The following SAMD3 variants were observed in gnomAD, a reference collection of about 807,000 sequenced individuals.
SAMD3 encodes the protein sterile alpha motif domain-containing protein 3.
In SAMD3, 63 loss-of-function variants were observed where a neutral mutation model predicts 58.5. The observed-to-expected ratio is 1.08, with a 90% CI of 0.88 to 1.33. The LOEUF is 1.33. Among genes scored for constraint, SAMD3 ranks in the 40% most tolerant of loss-of-function variants. The probability of loss-of-function intolerance (pLI) is 0.00; values close to 1 mark genes in which losing one functional copy is unlikely to be tolerated. For synonymous variants in SAMD3, 220 were observed against 210.3 expected (o/e 1.05, Z -0.40); for missense variants, 604 against 608.4 (o/e 0.99, Z 0.08).
intron 2 of SAMD3, among the ~76,000 whole-genome samples, chr6:130,304,764 A>C (rs1775859177): frequency 6.6e-6 from 1 of 152,132 alleles, no homozygotes; most frequent in South Asian, 2.1e-4. Context: ...GATATTTAAA[A>C]AACTATATTG....
intron 1 of SAMD3, among the ~76,000 whole-genome samples, chr6:130,337,919 G>A (rs967490723): frequency 6.7e-4 from 102 of 152,348 alleles, no homozygotes; most frequent in African/African-American, 2.4e-3. Context: ...CATTTTCTGG[G>A]AAGAAATTCA....
intron 1 of SAMD3, among the ~76,000 whole-genome samples, chr6:130,362,126 G>A (rs145189123): frequency 2.6e-5 from 4 of 152,382 alleles, no homozygotes; most frequent in South Asian, 2.1e-4. Context: ...GGACTGAAGT[G>A]AAGGCTGATA....
Position 130,144,748 on chromosome 6 carries a change from G to T in SAMD3, c.1335C>A (p.Cys445Ter), listed in dbSNP as rs373806598. 1 of 1,613,928 alleles carries T rather than the reference G, an allele frequency of 6.2e-7. No homozygotes were observed. Among genetic ancestry groups the T allele is most frequent in the South Asian group, 1.1e-5 (1 of 91,042 alleles). ...EVKNPFNMEVCEFSLYLERER... is the reference protein window; with the variant it reads ...EVKNPFNMEV Reference sequence around the variant, plus strand: ...CCCTTTCTAAATATAAAGAAAATTCGCAGACCTCCATGTTGAAAGGGTTTT... The same window carrying T: ...CCCTTTCTAAATATAAAGAAAATTCTCAGACCTCCATGTTGAAAGGGTTTT... The change falls in exon 12 of 12, where the codon TGC (cysteine) becomes TGA (stop). Residue 445 changes from cysteine (C) to a stop codon, truncating the protein, a stop_gained. Coordinates refer to ENST00000439090, the MANE Select transcript of SAMD3 (RefSeq NM_001017373.4). LOFTEE classifies it high-confidence loss of function.
chr6:130,167,387 G>C (rs939989316), intron 8 of SAMD3, among the ~76,000 whole-genome samples: 10 of 152,110 alleles, frequency 6.6e-5, no homozygotes, highest in African/African-American at 2.4e-4. Context: ...CCAGCACAGG[G>C]CAACAGTGAT....
upstream of SAMD3, chr6:130,365,670 G>T (rs1778117830): frequency 2.0e-6 from 2 of 985,496 alleles, no homozygotes; most frequent in Admixed American, 1.2e-4. Flanking sequence ...ACGGGTGGGT[G>T]TGTCCGTTTC....
intron 1 of SAMD3, among the ~76,000 whole-genome samples, chr6:130,323,162 G>A (rs972664849): frequency 5.9e-5 from 9 of 152,152 alleles, no homozygotes; most frequent in Non-Finnish European, 1.3e-4. Context: ...GTGAATGTTA[G>A]ACAGATATAA....
At chr6:130,331,558 T>TA (rs1406952987) in intron 1 of SAMD3, among the ~76,000 whole-genome samples, 1 of 151,760 alleles carries the variant, frequency 6.6e-6, no homozygotes, top group East Asian at 1.9e-4. Context: ...CCGTCTCTAC[T>TA]AAAAAAATAC....
intron 1 of SAMD3, among the ~76,000 whole-genome samples, chr6:130,351,725 A>T (rs1562536669): frequency 6.6e-6 from 1 of 152,318 alleles, no homozygotes; most frequent in East Asian, 1.9e-4. Flanking sequence ...ATATACCCAA[A>T]GGATTATAAA....
At chr6:130,167,758 T>C (rs1458700907) in intron 8 of SAMD3, among the ~76,000 whole-genome samples, 1 of 152,216 alleles carries the variant, frequency 6.6e-6, no homozygotes, top group Non-Finnish European at 1.5e-5. Context: ...CTGCATTGAC[T>C]GCACGACCAT....
intron 1 of SAMD3, among the ~76,000 whole-genome samples, chr6:130,330,206 G>T (rs115767463): frequency 0.014 from 2,095 of 152,264 alleles, 50 homozygotes; most frequent in African/African-American, 0.045. Context: ...AGGCCCAGAA[G>T]ATGAGAGGAT....
Position 130,352,178 on chromosome 6 carries a change from C to T in SAMD3, c.-304+12942G>A, listed in dbSNP as rs545633922. 1.1e-3 allele frequency among the ~76,000 whole-genome samples: 168 copies of T among 151,998 alleles called. 3 individuals carry two copies. Among genetic ancestry groups the T allele is most frequent in the Non-Finnish European group, 2.2e-3 (148 of 67,978 alleles). On this transcript the variant is annotated intron_variant, in intron 1 of 13. Transcript: ENST00000368134. ...TGTATGCATATGTAACAAACCTGCA[C>T]ATTGTGCACATGTATCCTAAAACTT...
At chr6:130,216,355 A>G (rs1003874647) in intron 2 of SAMD3, among the ~76,000 whole-genome samples, 2 of 152,220 alleles carry the variant, frequency 1.3e-5, no homozygotes, top group African/African-American at 2.4e-5. Context: ...CTTGCAAATT[A>G]AGATACTGAC....
chr6:130,144,314 C>A, downstream of SAMD3: 1 of 551,878 alleles, frequency 1.8e-6, no homozygotes, highest in Non-Finnish European at 3.1e-6. Context: ...ATCGACAGCT[C>A]TTTAATGAAG....
chr6:130,247,041 C>A (rs150318324), intron 2 of SAMD3, among the ~76,000 whole-genome samples: 130 of 152,314 alleles, frequency 8.5e-4, no homozygotes, highest in African/African-American at 2.9e-3. Context: ...GGAACCAACT[C>A]TCCTTGGAGA....
chr6:130,329,515 C>A (rs1776861676), intron 1 of SAMD3, among the ~76,000 whole-genome samples: 8 of 152,140 alleles, frequency 5.3e-5, no homozygotes, highest in Admixed American at 5.2e-4. Context: ...GGCGATTCCT[C>A]AAGGATCTGG....
At chr6:130,220,252 G>A (rs1562463667) in intron 1 of SAMD3, among the ~76,000 whole-genome samples, 2 of 152,132 alleles carry the variant, frequency 1.3e-5, no homozygotes, top group Non-Finnish European at 2.9e-5. Context: ...CACCTGCCTC[G>A]GCCCCCCAGA....
chr6:130,211,877 TG>T (rs1433942926), intron 4 of SAMD3, among the ~76,000 whole-genome samples: 1 of 150,470 alleles, frequency 6.6e-6, no homozygotes, highest in East Asian at 1.9e-4. Flanking sequence ...AAAGGGAATC[TG>T]TACTCAAATG....
chr6:130,360,353 C>G (rs1777948822), intron 1 of SAMD3, among the ~76,000 whole-genome samples: 2 of 152,196 alleles, frequency 1.3e-5, no homozygotes, highest in Middle Eastern at 6.8e-3. Flanking sequence ...TAAGTGTCGG[C>G]CAGGTTGAGA....
intron 2 of SAMD3, among the ~76,000 whole-genome samples, chr6:130,291,821 G>A (rs558670060): frequency 2.0e-5 from 3 of 152,220 alleles, no homozygotes; most frequent in Admixed American, 6.5e-5. Flanking sequence ...CTCCTTCAGC[G>A]ACATAAGTGT....
Sources: gnomAD v4.1 joint callset for allele counts (sites outside exome capture counted in the v4.1 genomes callset) on GRCh38, gnomAD v4.1.1 for gene constraint, MANE v1.5 for transcripts, NCBI Gene and HGNC (gene_info 2026-07-23, HGNC 2026-07-21) for gene names.